FCMR: variants seen among roughly 807,000 people sequenced by gnomAD.
FCMR encodes immunoglobulin mu Fc receptor.
FCMR carries 34 observed loss-of-function variants against 41.6 expected under a neutral mutation model. That is an observed-to-expected ratio of 0.82 (90% confidence interval 0.62 to 1.09). The LOEUF is 1.09. Ranked by LOEUF, FCMR falls within the 50% of genes least tolerant of loss-of-function variation. The pLI, the probability that FCMR is intolerant of heterozygous loss-of-function variation, is 0.00. For synonymous variants in FCMR, 209 were observed against 211.8 expected (o/e 0.99, Z 0.12); for missense variants, 496 against 512.5 (o/e 0.97, Z 0.31).
At position 206,910,287 on chromosome 1, in the gene FCMR, AG is replaced by A. The variant is rs1558000925; in HGVS notation, c.763del (p.Leu255Ter). On this transcript the variant is annotated frameshift_variant, in exon 5 of 8. Transcript: ENST00000367091. LOFTEE classifies it high-confidence loss of function. ...GAAAAGGCCCAGGATGGTCGGGATC[AG>A]GATGTGAAATCCTTGGCCTTCCCTC... ...SGREGQGFHI[L>X]IPTILGLFLL... The A allele has an allele frequency of 6.3e-7, 1 of 1,577,112 alleles. No individual in the cohort carries two copies. The highest frequency in any genetic ancestry group is 8.6e-7 in the Non-Finnish European group (1 of 1,161,186).
At chr1:206,910,088 T>C in intron 5 of FCMR, 122 bp downstream of exon 5, 2 of 1,253,684 alleles carry the variant, frequency 1.6e-6, no homozygotes, top group South Asian at 1.6e-5. Context: ...TTCCCTAACT[T>C]CCCTACACCC....
In FCMR at chr1:206,911,832, G is replaced by T; in HGVS notation, c.608C>A (p.Thr203Asn). The T allele has an allele frequency of 6.2e-7, 1 of 1,612,038 alleles. No homozygotes were observed. Residue 203 changes from threonine (T) to asparagine (N), a missense_variant, in exon 4 of 8, where the codon ACC (threonine) becomes AAC (asparagine). Transcript: ENST00000367091. ...ASSVAGDKPR[T>N]FLPSTTASKI... ...TGAGGCTGTAGTGGATGGCAGGAAGGTTCGGGGCTTGTCACCTGCTACTGA... is the reference window on the plus strand; with the variant it reads ...TGAGGCTGTAGTGGATGGCAGGAAGTTTCGGGGCTTGTCACCTGCTACTGA...
At position 206,905,086 on chromosome 1, in the gene FCMR, A is replaced by G; in HGVS notation, c.1106T>C (p.Leu369Pro). Residue 369 changes from leucine (L) to proline (P), a missense_variant, in exon 8 of 8, where the codon CTC (leucine) becomes CCC (proline). Leu to Pro is a moderately conservative substitution (Grantham distance 98). Coordinates refer to ENST00000367091, the MANE Select transcript of FCMR (RefSeq NM_005449.5). ...CATCATGGCGGCAGGCTGGTGGTAGAGGCTCACGTATTCACAGCTGGTCTT... is the reference window on the plus strand; with the variant it reads ...CATCATGGCGGCAGGCTGGTGGTAGGGGCTCACGTATTCACAGCTGGTCTT... The part of the protein sequence containing the change: ...SLKTSCEYVS[L>P]YHQPAAMMED... 2 of 1,614,152 alleles carry G rather than the reference A, an allele frequency of 1.2e-6. No individual in the cohort carries two copies. Among genetic ancestry groups the G allele is most frequent in the Non-Finnish European group, 8.5e-7 (1 of 1,180,000 alleles).
At chr1:206,914,780 TA>T (rs1191421350) in intron 1 of FCMR, among the ~76,000 whole-genome samples, 1 of 152,054 alleles carries the variant, frequency 6.6e-6, no homozygotes, top group East Asian at 1.9e-4. Flanking sequence ...TCCCCAACCC[TA>T]TTCACAACCT....
chr1:206,911,684 C>T (rs781102864), intron 4 of FCMR, 46 bp downstream of exon 4: 5 of 1,566,136 alleles, frequency 3.2e-6, no homozygotes, highest in Non-Finnish European at 4.4e-6. Flanking sequence ...TTCAGTGGAT[C>T]TCTTAATTCT....
Position 206,909,526 on chromosome 1 carries a change from G to C in FCMR, c.986-6C>G. Reference sequence around the variant, plus strand: ...AACGGGGGCCTCCCCTGTGCCTAGGGAACAGCGAGGGCGAGGTGAGGCGGC... The same window carrying C: ...AACGGGGGCCTCCCCTGTGCCTAGGCAACAGCGAGGGCGAGGTGAGGCGGC... On this transcript the variant is annotated splice_region_variant and splice_polypyrimidine_tract_variant and intron_variant, in intron 6 of 7. Coordinates refer to ENST00000367091, the MANE Select transcript of FCMR (RefSeq NM_005449.5). The surrounding 1 kb of genome is among the most constrained non-coding windows in gnomAD (Gnocchi z 5.0). 2 of 1,327,214 alleles carry C rather than the reference G, an allele frequency of 1.5e-6. No homozygotes were observed. Among genetic ancestry groups the C allele is most frequent in the East Asian group, 3.1e-5 (1 of 31,958 alleles). 82.2% of individuals were successfully genotyped at this position (1,327,214 alleles called of 1,614,324 possible).
In FCMR at chr1:206,904,891, T is replaced by G; in HGVS notation, c.*128A>C. On this transcript the variant is annotated 3_prime_UTR_variant, in exon 8 of 8. Transcript: ENST00000367091. ...GGGCACAGATAGATGGGGATGGGAGTCGAGATGGGGCATGGGAAGTGATGA... is the reference window on the plus strand; with the variant it reads ...GGGCACAGATAGATGGGGATGGGAGGCGAGATGGGGCATGGGAAGTGATGA... The G allele has an allele frequency of 1.0e-6, 1 of 1,003,940 alleles. No individual in the cohort carries two copies. Among genetic ancestry groups the G allele is most frequent in the South Asian group, 1.4e-5 (1 of 69,202 alleles). 62.2% of individuals were successfully genotyped at this position (1,003,940 alleles called of 1,614,324 possible).
At chr1:206,916,334 G>A (rs767650538) in intron 1 of FCMR, among the ~76,000 whole-genome samples, 49 of 152,254 alleles carry the variant, frequency 3.2e-4, no homozygotes, top group Non-Finnish European at 6.3e-4. Context: ...GTGGGAGCAC[G>A]TGGAAGTATT....
chr1:206,915,094 C>G (rs1457360946), intron 1 of FCMR, among the ~76,000 whole-genome samples: 5 of 152,228 alleles, frequency 3.3e-5, no homozygotes, highest in Non-Finnish European at 7.3e-5. Context: ...TCATCCACAG[C>G]TCTATTTATT....
chr1:206,906,628 T>C (rs1220048849), intron 7 of FCMR, among the ~76,000 whole-genome samples: 4 of 152,194 alleles, frequency 2.6e-5, no homozygotes, highest in African/African-American at 9.7e-5. Context: ...CCATGGAAGC[T>C]ATAATAATGA....
chr1:206,905,094 G>A lies in FCMR; in HGVS notation c.1098C>T (p.Tyr366=), dbSNP rs894669651. 13 of 1,613,988 alleles carry A rather than the reference G, an allele frequency of 8.1e-6. No individual in the cohort carries two copies. Among genetic ancestry groups the A allele is most frequent in the African/African-American group, 1.3e-5 (1 of 74,918 alleles). ...CGGCAGGCTGGTGGTAGAGGCTCACGTATTCACAGCTGGTCTTCAGAGATG... is the reference window on the plus strand; with the variant it reads ...CGGCAGGCTGGTGGTAGAGGCTCACATATTCACAGCTGGTCTTCAGAGATG... ...HAPSLKTSCE[Y]VSLYHQPAAM... Residue 366 remains tyrosine (Y), a synonymous_variant, in exon 8 of 8, where the codon TAC becomes TAT. Coordinates refer to ENST00000367091, the MANE Select transcript of FCMR (RefSeq NM_005449.5).
At chr1:206,920,220 C>T (rs183982072) in intron 1 of FCMR, among the ~76,000 whole-genome samples, 35 of 151,942 alleles carry the variant, frequency 2.3e-4, no homozygotes, top group African/African-American at 7.7e-4. Flanking sequence ...TTTGGGAGGC[C>T]GAGGCGGGTG....
upstream of FCMR, among the ~76,000 whole-genome samples, chr1:206,922,185 C>A (rs1413369703): frequency 6.6e-6 from 1 of 152,190 alleles, no homozygotes; most frequent in Non-Finnish European, 1.5e-5. Flanking sequence ...TGTCTTGGTG[C>A]TTTTTCTTAG....
At position 206,911,792 on chromosome 1, in the gene FCMR, C is replaced by T; in HGVS notation, c.648G>A (p.Leu216=). ...GCGTCTGGGGCTTGAGCAGCCCCTCCAGAGCTGAGATTTTTGAGGCTGTAG... is the reference window on the plus strand; with the variant it reads ...GCGTCTGGGGCTTGAGCAGCCCCTCTAGAGCTGAGATTTTTGAGGCTGTAG... ...PSTTASKISA[L]EGLLKPQTPS... The change falls in exon 4 of 8, where the codon CTG becomes CTA. Residue 216 remains leucine, a synonymous_variant. Coordinates refer to ENST00000367091, the MANE Select transcript of FCMR (RefSeq NM_005449.5). 3 of 1,612,398 alleles carry T rather than the reference C, an allele frequency of 1.9e-6. No individual in the cohort carries two copies. The highest frequency in any genetic ancestry group is 2.5e-6 in the Non-Finnish European group (3 of 1,179,422).
intron 1 of FCMR, among the ~76,000 whole-genome samples, chr1:206,917,237 G>A (rs1679231977): frequency 6.6e-6 from 1 of 152,206 alleles, no homozygotes; most frequent in Non-Finnish European, 1.5e-5. Context: ...CCACTTAGGG[G>A]TGATTTTCCA....
rs1678558280 is a variant in FCMR, at chr1:206,904,968, C to T, written c.*51G>A. On this transcript the variant is annotated 3_prime_UTR_variant, in exon 8 of 8. Coordinates refer to ENST00000367091, the MANE Select transcript of FCMR (RefSeq NM_005449.5). ...ATTGGACATCAGCAGATAGATGAGA[C>T]TCCTTGGCACCACAGTCCGAGCCTG... The T allele has an allele frequency of 5.6e-6, 9 of 1,604,308 alleles. No individual in the cohort carries two copies. The highest frequency in any genetic ancestry group is 7.7e-6 in the Non-Finnish European group (9 of 1,172,898).
intron 3 of FCMR, 72 bp downstream of exon 3, chr1:206,912,857 G>A: frequency 9.6e-7 from 1 of 1,040,866 alleles, no homozygotes; most frequent in Middle Eastern, 2.2e-4. Flanking sequence ...ACTGAACATA[G>A]ACCCCCTCCT....
At chr1:206,913,329 G>A (rs1473947286) in intron 2 of FCMR, among the ~76,000 whole-genome samples, 1 of 152,138 alleles carries the variant, frequency 6.6e-6, no homozygotes, top group African/African-American at 2.4e-5. Flanking sequence ...AGAAAGGCGG[G>A]GTTCCAGAGA....
chr1:206,913,136 T>C (rs1679018071), intron 2 of FCMR, 94 bp from the exon 3 acceptor site: 2 of 897,770 alleles, frequency 2.2e-6, no homozygotes, highest in Admixed American at 1.7e-5. Flanking sequence ...TGGATGACAG[T>C]GAGGGGATGA....
Sources: allele counts gnomAD v4.1 joint callset (sites outside exome capture counted in the v4.1 genomes callset), GRCh38; gene constraint gnomAD v4.1.1; non-coding constraint Gnocchi (gnomAD v3.1); transcripts MANE v1.5; gene names NCBI Gene and HGNC (gene_info 2026-07-23, HGNC 2026-07-21).